Variants in ADI1 observed in about 807,000 individuals in gnomAD.
ADI1 encodes the protein acireductone dioxygenase 1, also known as acireductone dioxygenase.
In ADI1, 21 loss-of-function variants were observed where a neutral mutation model predicts 18.7. That is an observed-to-expected ratio of 1.13 (90% CI 0.80 to 1.62). ADI1 has a LOEUF of 1.62. ADI1 is among the 40% of genes most tolerant of loss of function. ADI1 has a pLI of 0.00. For missense variants in ADI1, 245 were observed against 254.9 expected (o/e 0.96, Z 0.26); for synonymous variants, 90 against 100.1 (o/e 0.90, Z 0.60).
At chr2:3,505,701 A>G (rs1667160920) in intron 2 of ADI1, among the ~76,000 whole-genome samples, 1 of 152,136 alleles carries the variant, frequency 6.6e-6, no homozygotes, top group South Asian at 2.1e-4. Context: ...TCGGAACTCC[A>G]TGTTATGGAC....
rs141313760 is a variant in ADI1 at position 3,507,305 on chromosome 2, C to T, written c.241-6312G>A. On this transcript the variant is annotated intron_variant, in intron 2 of 3. Transcript: ENST00000327435. Reference sequence around the variant, plus strand: ...CAAATTTTCCAAAATTAATGACAGACACCACACAGATCCAGGAAACTGAGA... The same window carrying T: ...CAAATTTTCCAAAATTAATGACAGATACCACACAGATCCAGGAAACTGAGA... 3.8e-3 allele frequency among the ~76,000 whole-genome samples: 583 copies of T among 152,236 alleles called. 4 individuals are homozygous for T. The highest frequency in any genetic ancestry group is 0.014 in the African/African-American group (562 of 41,538).
At chr2:3,519,138 G>A (rs944656915) in intron 1 of ADI1, 3 of 472,502 alleles carry the variant, frequency 6.3e-6, no homozygotes, top group Non-Finnish European at 1.0e-5. Context: ...AGCATGCGCA[G>A]CACACCCAGG....
Position 3,498,859 on chromosome 2 carries a change from C to G in ADI1, c.*104G>C, listed in dbSNP as rs1666923396. ...ATCTTACAAAGGAAAGATAATCTAG[C>G]CTCAAGGCTATCCTCTAAAAGCAAA... On this transcript the variant is annotated 3_prime_UTR_variant, in exon 4 of 4. Coordinates refer to ENST00000327435, the MANE Select transcript of ADI1 (RefSeq NM_018269.4). 6.8e-7 allele frequency: 1 copy of G among 1,466,858 alleles called. No homozygotes were observed. The highest frequency in any genetic ancestry group is 9.2e-7 in the Non-Finnish European group (1 of 1,090,330). The allele number at this position is 1,466,858 out of a possible 1,614,324, so 90.9% of individuals were successfully genotyped here.
intron 1 of ADI1, chr2:3,516,000 G>A: frequency 1.0e-6 from 1 of 985,106 alleles, no homozygotes; most frequent in Non-Finnish European, 1.2e-6. Flanking sequence ...AGTACTATTT[G>A]CTATGGTCTG....
In ADI1 at chr2:3,497,901, T is replaced by C. The variant is rs1666902686; in HGVS notation, c.*1062A>G. The C allele has an allele frequency of 6.6e-6, 1 of 152,138 alleles. No homozygotes were observed. Among genetic ancestry groups the C allele is most frequent in the African/African-American group, 2.4e-5 (1 of 41,436 alleles). 9.4% of individuals were successfully genotyped at this position (152,138 alleles called of 1,614,324 possible). On this transcript the variant is annotated 3_prime_UTR_variant, in exon 4 of 4. Transcript: ENST00000327435. The stretch of plus-strand genomic sequence containing the variant: ...TCTATTTATAATGCCCATTTAGAAA[T>C]GAATCCATTAAAAAAAATCAGTAGA...
intron 2 of ADI1, among the ~76,000 whole-genome samples, chr2:3,503,743 C>G (rs1190890993): frequency 1.3e-5 from 2 of 152,126 alleles, no homozygotes; most frequent in Non-Finnish European, 2.9e-5. Flanking sequence ...AAGTAATGGG[C>G]TGGGGATGCG....
At chr2:3,503,139 G>A (rs560077338) in intron 2 of ADI1, among the ~76,000 whole-genome samples, 4 of 151,182 alleles carry the variant, frequency 2.6e-5, no homozygotes, top group South Asian at 4.2e-4. Flanking sequence ...ACCTACACAC[G>A]CACACACACG....
intron 1 of ADI1, among the ~76,000 whole-genome samples, chr2:3,517,900 T>C (rs570711567): frequency 1.3e-5 from 2 of 152,308 alleles, no homozygotes; most frequent in Non-Finnish European, 2.9e-5. Context: ...ATCTAAAAGA[T>C]GTCTATTAAA....
chr2:3,510,043 T>C (rs1389836292), intron 2 of ADI1, among the ~76,000 whole-genome samples: 2 of 150,180 alleles, frequency 1.3e-5, no homozygotes, highest in Non-Finnish European at 2.9e-5. Context: ...CTCAGGAGGC[T>C]GAGGCAGGAG....
intron 1 of ADI1, chr2:3,516,637 G>C (rs1667415665): frequency 1.5e-5 from 12 of 785,910 alleles, no homozygotes; most frequent in Non-Finnish European, 1.7e-5. Flanking sequence ...TTAGCCTCTA[G>C]AACTATAAGA....
At chr2:3,511,827 C>T (rs1419319452) in intron 2 of ADI1, among the ~76,000 whole-genome samples, 1 of 152,186 alleles carries the variant, frequency 6.6e-6, no homozygotes, top group Non-Finnish European at 1.5e-5. Flanking sequence ...AAAGTCCAGG[C>T]TAATGAGGTC....
At chr2:3,516,861 A>C (rs1391895523) in intron 1 of ADI1, 1 of 985,288 alleles carries the variant, frequency 1.0e-6, no homozygotes, top group Middle Eastern at 5.2e-4. Flanking sequence ...GTTAAAAATT[A>C]TGGGAGATGT....
intron 2 of ADI1, among the ~76,000 whole-genome samples, chr2:3,508,432 A>G (rs1667225449): frequency 6.6e-6 from 1 of 152,044 alleles, no homozygotes. Context: ...AACTGTATTA[A>G]TAACCAATTT....
At chr2:3,506,423 T>C (rs1252794558) in intron 2 of ADI1, among the ~76,000 whole-genome samples, 4 of 152,202 alleles carry the variant, frequency 2.6e-5, no homozygotes, top group East Asian at 1.9e-4. Context: ...CAAGTGATAT[T>C]TGAAATTCAA....
intron 1 of ADI1, among the ~76,000 whole-genome samples, chr2:3,517,925 AT>A (rs1667444266): frequency 6.6e-6 from 1 of 152,192 alleles, no homozygotes; most frequent in African/African-American, 2.4e-5. Flanking sequence ...ATCTTATTTT[AT>A]TCTTTGAATA....
chr2:3,519,351 G>T lies in ADI1; in HGVS notation c.120+17C>A, dbSNP rs1290917823. ...TCGGCGTCGCCCGCACGCTCTGCGA[G>T]GCTTGGGCTCGCGTACCTTCCAGTA... On this transcript the variant is annotated intron_variant, in intron 1 of 3. Coordinates refer to ENST00000327435, the MANE Select transcript of ADI1 (RefSeq NM_018269.4). The T allele has an allele frequency of 7.1e-7, 1 of 1,415,306 alleles. No homozygotes were observed. Among genetic ancestry groups the T allele is most frequent in the Admixed American group, 3.1e-5 (1 of 32,156 alleles). The allele number at this position is 1,415,306 out of a possible 1,614,324, so 87.7% of individuals were successfully genotyped here.
chr2:3,502,652 G>A (rs1269908221), intron 2 of ADI1, among the ~76,000 whole-genome samples: 1 of 152,108 alleles, frequency 6.6e-6, no homozygotes, highest in Non-Finnish European at 1.5e-5. Context: ...GTTTCTCCAT[G>A]TTGGTCAGGC....
At chr2:3,506,778 C>T (rs963157815) in intron 2 of ADI1, among the ~76,000 whole-genome samples, 13 of 152,220 alleles carry the variant, frequency 8.5e-5, no homozygotes, top group African/African-American at 3.1e-4. Flanking sequence ...ACCGACACTA[C>T]CTGACTTCAA....
chr2:3,510,897 T>C (rs1286108309), intron 2 of ADI1, among the ~76,000 whole-genome samples: 4 of 152,224 alleles, frequency 2.6e-5, no homozygotes, highest in African/African-American at 9.6e-5. Context: ...TCCAAGAAAC[T>C]GAACAGGAGG....
Sources: gnomAD v4.1 joint callset for allele counts (sites outside exome capture counted in the v4.1 genomes callset) on GRCh38, gnomAD v4.1.1 for gene constraint, MANE v1.5 for transcripts, NCBI Gene and HGNC (gene_info 2026-07-23, HGNC 2026-07-21) for gene names.